Variants in ADGRB3 observed in about 807,000 individuals in gnomAD.
ADGRB3 encodes the protein adhesion G protein-coupled receptor B3.
A neutral mutation model predicts 193.4 loss-of-function variants in ADGRB3; 37 were observed. The observed-to-expected ratio is 0.19, with a 90% confidence interval of 0.15 to 0.25. The LOEUF (loss-of-function observed/expected upper bound fraction) is 0.25. ADGRB3 is among the 10% of genes least tolerant of loss of function. ADGRB3 has a pLI of 1.00. For missense variants in ADGRB3, 1,637 were observed against 1,852.9 expected, an observed-to-expected ratio of 0.88 and a Z score of 2.14; for synonymous variants, 690 against 644.2, an observed-to-expected ratio of 1.07 and a Z score of -1.08.
At chr6:69,291,756 T>C (rs769592195) in intron 20 of ADGRB3, among the ~76,000 whole-genome samples, 7 of 152,098 alleles carry the variant, frequency 4.6e-5, no homozygotes, top group Non-Finnish European at 8.8e-5. Flanking sequence ...CAAAATATGG[T>C]ACATTGGCAT....
chr6:69,175,392 G>A lies in ADGRB3; in HGVS notation c.2481-57898G>A, dbSNP rs866620895. On this transcript the variant is annotated intron_variant, in intron 17 of 31. Transcript: ENST00000370598. The stretch of plus-strand genomic sequence containing the variant: ...CCATCCCAGCACTATTTATTGAATA[G>A]GGAGTCCTTTTCTCATTGCTTATTT... Among the ~76,000 whole-genome samples, 212 of 152,212 alleles carry A rather than the reference G, an allele frequency of 1.4e-3. 1 individual carries two copies. Among genetic ancestry groups the A allele is most frequent in the African/African-American group, 4.8e-3 (201 of 41,554 alleles).
intron 17 of ADGRB3, among the ~76,000 whole-genome samples, chr6:69,229,314 G>A (rs1199555413): frequency 6.6e-6 from 1 of 152,008 alleles, no homozygotes; most frequent in Non-Finnish European, 1.5e-5. Flanking sequence ...TTTGGGTAAG[G>A]CATATGCACC....
intron 17 of ADGRB3, among the ~76,000 whole-genome samples, chr6:69,123,146 G>A (rs931128799): frequency 1.3e-5 from 2 of 151,880 alleles, no homozygotes; most frequent in East Asian, 1.9e-4. Context: ...TATGGTCTAC[G>A]TATAAAGGGA....
intron 3 of ADGRB3, among the ~76,000 whole-genome samples, chr6:68,921,319 A>G (rs1403865658): frequency 6.6e-6 from 1 of 152,200 alleles, no homozygotes; most frequent in Non-Finnish European, 1.5e-5. Context: ...ATACAGAAAA[A>G]GATGTAGCAG....
chr6:68,817,311 A>ATGTG (rs1477025312), intron 3 of ADGRB3, among the ~76,000 whole-genome samples: 2 of 6,136 alleles, frequency 3.3e-4, no homozygotes, highest in African/African-American at 5.9e-4. Flanking sequence ...GTCCATGTAT[A>ATGTG]TATATATATA....
chr6:69,007,271 A>G (rs1769787673), intron 11 of ADGRB3, among the ~76,000 whole-genome samples: 1 of 152,038 alleles, frequency 6.6e-6, no homozygotes, highest in Admixed American at 6.6e-5. Flanking sequence ...CTGAATTCTA[A>G]CCTTCCTGTT....
chr6:69,129,155 A>G (rs1429510258), intron 17 of ADGRB3, among the ~76,000 whole-genome samples: 1 of 152,170 alleles, frequency 6.6e-6, no homozygotes, highest in Non-Finnish European at 1.5e-5. Context: ...TATCTTCTTT[A>G]GACACATATG....
intron 20 of ADGRB3, among the ~76,000 whole-genome samples, chr6:69,274,479 C>CCTTCCTT (rs1582596796): frequency 1.1e-4 from 8 of 73,812 alleles, no homozygotes; most frequent in Admixed American, 4.3e-4. Flanking sequence ...CTTCCTTCCT[C>CCTTCCTT]CCTCCCTCCC....
chr6:69,242,314 A>AT (rs1403907082), intron 20 of ADGRB3, among the ~76,000 whole-genome samples: 1 of 151,786 alleles, frequency 6.6e-6, no homozygotes, highest in Non-Finnish European at 1.5e-5. Flanking sequence ...TTCTGTGGGG[A>AT]TTTTTTAATT....
At chr6:69,005,374 T>C (rs3799001) in intron 11 of ADGRB3, among the ~76,000 whole-genome samples, 17,021 of 151,632 alleles carry the variant, frequency 0.11, 1,132 homozygotes, top group Middle Eastern at 0.26. Context: ...GAGCGTTGTA[T>C]AAAAAATTCC....
At chr6:68,809,650 A>G (rs1198769254) in intron 3 of ADGRB3, among the ~76,000 whole-genome samples, 3 of 152,188 alleles carry the variant, frequency 2.0e-5, no homozygotes, top group Admixed American at 6.5e-5. Flanking sequence ...TGAGTTCACA[A>G]TCCCCAAGGT....
At chr6:68,822,046 A>G (rs1767757701) in intron 3 of ADGRB3, among the ~76,000 whole-genome samples, 1 of 151,894 alleles carries the variant, frequency 6.6e-6, no homozygotes, top group Non-Finnish European at 1.5e-5. Context: ...AGTAGGTAAG[A>G]GTTGGTACAA....
chr6:69,247,620 T>C (rs749699040), intron 20 of ADGRB3, among the ~76,000 whole-genome samples: 1 of 152,224 alleles, frequency 6.6e-6, no homozygotes, highest in African/African-American at 2.4e-5. Flanking sequence ...CATACCTCTA[T>C]TGTTAGCACC....
intron 20 of ADGRB3, among the ~76,000 whole-genome samples, chr6:69,279,374 G>A (rs1327028280): frequency 1.3e-5 from 2 of 151,670 alleles, no homozygotes; most frequent in Admixed American, 1.3e-4. Flanking sequence ...GCCCAGAATG[G>A]TGGGAGCATT....
chr6:68,648,690 C>G (rs1394022277), intron 3 of ADGRB3, among the ~76,000 whole-genome samples: 3 of 149,044 alleles, frequency 2.0e-5, no homozygotes, highest in Non-Finnish European at 4.5e-5. Context: ...GAAACATTTG[C>G]TTTCCTGGGT....
At chr6:69,328,527 A>G (rs2127311824) in intron 22 of ADGRB3, among the ~76,000 whole-genome samples, 1 of 152,258 alleles carries the variant, frequency 6.6e-6, no homozygotes, top group South Asian at 2.1e-4. Context: ...TCTGCATCCA[A>G]GTTGAGGAGG....
At chr6:68,644,153 A>G (rs752284973) in intron 3 of ADGRB3, among the ~76,000 whole-genome samples, 12 of 150,696 alleles carry the variant, frequency 8.0e-5, no homozygotes, top group East Asian at 1.9e-4. Flanking sequence ...AGGTTACAGT[A>G]AAAAAAAACA....
chr6:68,944,010 AT>A lies in ADGRB3; in HGVS notation c.1195+19del. 1 of 1,583,464 alleles carries A rather than the reference AT, an allele frequency of 6.3e-7. No individual in the cohort carries two copies. Among genetic ancestry groups the A allele is most frequent in the Non-Finnish European group, 8.6e-7 (1 of 1,158,972 alleles). On this transcript the variant is annotated intron_variant, in intron 6 of 31. Coordinates refer to ENST00000370598, the MANE Select transcript of ADGRB3 (RefSeq NM_001704.3). ...CTTTGCCCAGGTGAGCCTATTCTGC[AT>A]TTGGTTATGTTTGCATTATGTGCTT...
At chr6:68,972,713 A>G (rs189069056) in intron 8 of ADGRB3, among the ~76,000 whole-genome samples, 2 of 152,306 alleles carry the variant, frequency 1.3e-5, no homozygotes, top group Admixed American at 1.3e-4. Flanking sequence ...TACTATTATT[A>G]ATATGCTTGA....
Sources: gnomAD v4.1 joint callset for allele counts (sites outside exome capture counted in the v4.1 genomes callset) on GRCh38, gnomAD v4.1.1 for gene constraint, MANE v1.5 for transcripts, NCBI Gene and HGNC (gene_info 2026-07-23, HGNC 2026-07-21) for gene names.